Variants in FGF1 observed in about 807,000 individuals in gnomAD.
FGF1 encodes beta-endothelial cell growth factor.
FGF1 carries 9 observed loss-of-function variants against 13.4 expected under a neutral mutation model. The observed-to-expected ratio is 0.67, with a 90% CI of 0.40 to 1.17. The LOEUF (loss-of-function observed/expected upper bound fraction) is 1.17. FGF1 is among the 50% of genes most tolerant of loss of function. The pLI, the probability that FGF1 is intolerant of heterozygous loss-of-function variation, is 0.01. For synonymous variants in FGF1, 93 were observed against 79.0 expected (o/e 1.18, Z -0.94); for missense variants, 156 against 192.7 (o/e 0.81, Z 1.13).
intron 1 of FGF1, among the ~76,000 whole-genome samples, chr5:142,647,972 C>A (rs1188241536): frequency 6.6e-6 from 1 of 152,134 alleles, no homozygotes; most frequent in Non-Finnish European, 1.5e-5. Context: ...GTAATCCCAG[C>A]TACTTGCGAG....
intron 2 of FGF1, among the ~76,000 whole-genome samples, chr5:142,612,418 C>T (rs187809374): frequency 3.3e-5 from 5 of 152,212 alleles, no homozygotes; most frequent in East Asian, 1.9e-4. Flanking sequence ...TTCTGAGGAC[C>T]GGAGAGCATT....
At chr5:142,621,433 T>C (rs1388111958) in intron 1 of FGF1, 2 of 151,654 alleles carry the variant, frequency 1.3e-5, no homozygotes, top group African/African-American at 4.9e-5. Flanking sequence ...TCTGACTAAG[T>C]CACACTCACC....
At chr5:142,688,002 G>C (rs1056324111), upstream of FGF1, among the ~76,000 whole-genome samples, 3 of 152,194 alleles carry the variant, frequency 2.0e-5, no homozygotes, top group Non-Finnish European at 4.4e-5. Context: ...GTGTGTTCGA[G>C]CACCTTGAAC....
intron 2 of FGF1, among the ~76,000 whole-genome samples, chr5:142,694,127 CT>C (rs1192343701): frequency 6.7e-6 from 1 of 149,838 alleles, no homozygotes; most frequent in Admixed American, 6.6e-5. Flanking sequence ...ATCTATCTAT[CT>C]ATCTATCTAT....
At chr5:142,596,619 C>T (rs1311120965) in intron 3 of FGF1, among the ~76,000 whole-genome samples, 2 of 151,518 alleles carry the variant, frequency 1.3e-5, no homozygotes, top group Non-Finnish European at 2.9e-5. Context: ...ATGGTGTGTG[C>T]CTGTCCTCCT....
intron 2 of FGF1, among the ~76,000 whole-genome samples, chr5:142,607,878 C>T (rs1313525607): frequency 6.6e-6 from 1 of 152,214 alleles, no homozygotes; most frequent in African/African-American, 2.4e-5. Flanking sequence ...TTTTGCATGG[C>T]TGTGCTAGCC....
intron 2 of FGF1, among the ~76,000 whole-genome samples, chr5:142,695,182 G>T (rs545478527): frequency 1.8e-4 from 28 of 152,164 alleles, no homozygotes; most frequent in Non-Finnish European, 3.7e-4. Context: ...TACTTGCCTC[G>T]TAGGGTCATT....
At position 142,652,996 on chromosome 5, in the gene FGF1, CCT is replaced by C. The variant is rs573972451; in HGVS notation, c.-35+32959_-35+32960del. On this transcript the variant is annotated intron_variant, in intron 1 of 3. Coordinates refer to ENST00000337706, the MANE Select transcript of FGF1 (RefSeq NM_000800.5). ...TCTCTTGGGAGGCTCCATCCTCCTT[CCT>C]CTGTCTCGTTTTCTTCCCTGGGTAT... 1.6e-3 allele frequency among the ~76,000 whole-genome samples: 244 copies of C among 152,344 alleles called. 2 individuals carry two copies. Among genetic ancestry groups the C allele is most frequent in the Non-Finnish European group, 1.3e-3 (91 of 68,032 alleles).
chr5:142,607,245 G>A (rs904096651), intron 2 of FGF1, among the ~76,000 whole-genome samples: 4 of 152,234 alleles, frequency 2.6e-5, no homozygotes, highest in Middle Eastern at 3.4e-3. Flanking sequence ...GGTGGATGAG[G>A]CACCTCTAAA....
Position 142,595,434 on chromosome 5 carries a change from A to G in FGF1, c.324T>C (p.His108=). The part of the protein sequence containing the change: ...CLFLERLEEN[H]YNTYISKKHA... ...GCTTCTTGGATATATAGGTGTTGTA[A>G]TGGTTCTCCTCCAGCCTTTCCAGGA... Residue 108 remains histidine, a synonymous_variant, in exon 4 of 4, where the codon CAT becomes CAC. Transcript: ENST00000337706. 1 of 1,614,062 alleles carries G rather than the reference A, an allele frequency of 6.2e-7. No homozygotes were observed. Among genetic ancestry groups the G allele is most frequent in the Non-Finnish European group, 8.5e-7 (1 of 1,179,932 alleles).
intron 1 of FGF1, among the ~76,000 whole-genome samples, chr5:142,638,804 T>A (rs1249722871): frequency 6.6e-6 from 1 of 151,880 alleles, no homozygotes; most frequent in African/African-American, 2.4e-5. Context: ...CCAGAATATA[T>A]AAGGAACCCA....
At chr5:142,608,579 TATATAC>T (rs1199031378) in intron 2 of FGF1, among the ~76,000 whole-genome samples, 5,322 of 75,908 alleles carry the variant, frequency 0.07, 125 homozygotes, top group East Asian at 0.13. Context: ...TATATATATA[TATATAC>T]ACACACACAC....
intron 1 of FGF1, among the ~76,000 whole-genome samples, chr5:142,651,318 AC>A (rs893661996): frequency 1.6e-4 from 24 of 152,214 alleles, no homozygotes; most frequent in Non-Finnish European, 2.9e-5. Flanking sequence ...GGGTTGCTTA[AC>A]CTTTTTACCT....
chr5:142,674,171 G>T (rs1479869915), intron 1 of FGF1, among the ~76,000 whole-genome samples: 1 of 152,182 alleles, frequency 6.6e-6, no homozygotes, highest in Non-Finnish European at 1.5e-5. Context: ...CTGTCCTGGT[G>T]CCTTGTTTGT....
At chr5:142,696,850 C>A (rs1379794828) in intron 2 of FGF1, among the ~76,000 whole-genome samples, 1 of 152,212 alleles carries the variant, frequency 6.6e-6, no homozygotes, top group Non-Finnish European at 1.5e-5. Flanking sequence ...TGCTTCTTAG[C>A]ATGGGTATTT....
chr5:142,694,430 G>A (rs1255502997), intron 2 of FGF1, among the ~76,000 whole-genome samples: 1 of 152,180 alleles, frequency 6.6e-6, no homozygotes, highest in Admixed American at 6.5e-5. Flanking sequence ...CATATGAATA[G>A]GCCAGTGTGC....
chr5:142,622,815 G>C (rs1761867375), intron 1 of FGF1, among the ~76,000 whole-genome samples: 1 of 152,210 alleles, frequency 6.6e-6, no homozygotes, highest in Admixed American at 6.5e-5. Context: ...GTCTGAGGTA[G>C]GAGTGTAGCC....
At chr5:142,679,166 G>A (rs1773224701) in intron 1 of FGF1, among the ~76,000 whole-genome samples, 1 of 152,156 alleles carries the variant, frequency 6.6e-6, no homozygotes. Flanking sequence ...TGGCCGCACA[G>A]TCTGACCCCG....
chr5:142,611,937 G>A (rs1478093006), intron 2 of FGF1, among the ~76,000 whole-genome samples: 2 of 152,286 alleles, frequency 1.3e-5, no homozygotes, highest in Middle Eastern at 3.4e-3. Context: ...ACCAACACGT[G>A]CTGTGCTGTT....
Sources: allele counts gnomAD v4.1 joint callset (sites outside exome capture counted in the v4.1 genomes callset), GRCh38; gene constraint gnomAD v4.1.1; transcripts MANE v1.5; gene names NCBI Gene and HGNC (gene_info 2026-07-23, HGNC 2026-07-21).